AAK1: variants seen among roughly 807,000 people sequenced by gnomAD.
AAK1 encodes the protein AP2-associated protein kinase 1.
AAK1 carries 37 observed loss-of-function variants against 116.0 expected under a neutral mutation model. The observed-to-expected ratio is 0.32, with a 90% CI of 0.25 to 0.42. The LOEUF (loss-of-function observed/expected upper bound fraction) is 0.42, where lower values mean the gene tolerates loss of function less well. AAK1 is among the 10% of genes least tolerant of loss of function. The pLI is 1.00. For synonymous variants in AAK1, 458 were observed against 439.9 expected (o/e 1.04, Z -0.51); for missense variants, 919 against 1,170.6 (o/e 0.79, Z 3.14).
chr2:69,507,428 A>C lies in AAK1; in HGVS notation c.2157T>G (p.Leu719=), dbSNP rs150421832. 2,001 of 1,612,326 alleles carry C rather than the reference A, an allele frequency of 1.2e-3. 21 individuals are homozygous for C. In the African/African-American group the frequency reaches 0.023, roughly 19 times the overall value. The part of the protein sequence containing the change: ...EELLNKDFAK[L]GEGKHPEKLG... Reference sequence around the variant, plus strand: ...AAGACACAGCTTACTCACCTTCCCCAAGCTTGGCAAAGTCCTTGTTTAGCA... The same window carrying C: ...AAGACACAGCTTACTCACCTTCCCCCAGCTTGGCAAAGTCCTTGTTTAGCA... Residue 719 remains leucine (L), a synonymous_variant, in exon 15 of 22, where the codon CTT becomes CTG. Coordinates refer to ENST00000409085, the MANE Select transcript of AAK1 (RefSeq NM_014911.5).
chr2:69,607,046 CAAAAAAAAA>C (rs61156108), intron 2 of AAK1, among the ~76,000 whole-genome samples: 2 of 68,844 alleles, frequency 2.9e-5, no homozygotes, highest in African/African-American at 4.0e-5. Context: ...AGTCTTGCCT[CAAAAAAAAA>C]AAAAAAAAAA....
chr2:69,590,190 A>G (rs552868959), intron 2 of AAK1, among the ~76,000 whole-genome samples: 19 of 152,286 alleles, frequency 1.2e-4, no homozygotes, highest in African/African-American at 3.6e-4. Flanking sequence ...GTCTCCACAA[A>G]CTAGACAAGG....
At chr2:69,640,459 C>G (rs943485243) in intron 2 of AAK1, among the ~76,000 whole-genome samples, 4 of 149,484 alleles carry the variant, frequency 2.7e-5, no homozygotes, top group African/African-American at 1.0e-4. Context: ...ACTCTACAGA[C>G]AGTGCTGGTA....
At chr2:69,604,816 C>T (rs1673729427) in intron 2 of AAK1, among the ~76,000 whole-genome samples, 1 of 152,088 alleles carries the variant, frequency 6.6e-6, no homozygotes, top group Admixed American at 6.5e-5. Context: ...GCATGGAGTC[C>T]CTCAGATACC....
chr2:69,473,321 C>T lies in AAK1; in HGVS notation c.*2548G>A. The T allele has an allele frequency of 1.0e-6, 1 of 985,482 alleles. No individual in the cohort carries two copies. The highest frequency in any genetic ancestry group is 1.2e-6 in the Non-Finnish European group (1 of 829,966). 61.0% of individuals were successfully genotyped at this position (985,482 alleles called of 1,614,324 possible). On this transcript the variant is annotated 3_prime_UTR_variant, in exon 22 of 22. Transcript: ENST00000409085. The stretch of plus-strand genomic sequence containing the variant: ...CTCAAAGGTCCCTTTGTAGCTCAGG[C>T]TATGATTCCACAGGTACCAGGACAC...
intron 3 of AAK1, among the ~76,000 whole-genome samples, chr2:69,545,835 T>G (rs2105059810): frequency 6.6e-6 from 1 of 152,246 alleles, no homozygotes; most frequent in East Asian, 1.9e-4. Context: ...GTGGTGAGAA[T>G]GAAACTGGAC....
rs1198033461 is a variant in AAK1 at position 69,514,768 on chromosome 2, G to A, written c.1498-19C>T. ...CCTGAAACTGAGCAAGAAATGAGGA[G>A]ATGAATAAGGGCCTGTCCCAGAATA... On this transcript the variant is annotated intron_variant, in intron 12 of 21. Transcript: ENST00000409085. 7.1e-6 allele frequency: 11 copies of A among 1,554,398 alleles called. No individual in the cohort carries two copies. The highest frequency in any genetic ancestry group is 8.7e-6 in the Non-Finnish European group (10 of 1,149,086).
chr2:69,490,282 T>C (rs1020767850), intron 17 of AAK1, among the ~76,000 whole-genome samples: 1 of 152,142 alleles, frequency 6.6e-6, no homozygotes, highest in Non-Finnish European at 1.5e-5. Flanking sequence ...AGAATTAGCA[T>C]ATGATCCAGC....
intron 2 of AAK1, among the ~76,000 whole-genome samples, chr2:69,570,389 T>C (rs1404502279): frequency 1.3e-5 from 2 of 151,952 alleles, no homozygotes; most frequent in African/African-American, 4.8e-5. Flanking sequence ...CAGATTACCA[T>C]ACATGTGGCC....
In AAK1 at chr2:69,482,718, A is replaced by C; in HGVS notation, c.2460T>G (p.Ala820=). 1.2e-6 allele frequency: 2 copies of C among 1,606,714 alleles called. No homozygotes were observed. Among genetic ancestry groups the C allele is most frequent in the South Asian group, 2.2e-5 (2 of 90,920 alleles). Residue 820 remains alanine (A), a synonymous_variant, in exon 18 of 22, where the codon GCT becomes GCG. Coordinates refer to ENST00000409085, the MANE Select transcript of AAK1 (RefSeq NM_014911.5). Reference sequence around the variant, plus strand: ...CAGAGATGATGACTTTACCAATTACAGCATCAGAAGTGCTACCAAAAGGAT... The same window carrying C: ...CAGAGATGATGACTTTACCAATTACCGCATCAGAAGTGCTACCAAAAGGAT... ...MTDPFGSTSD[A]VIEKADVAVE...
At chr2:69,515,633 C>T (rs544031526) in intron 12 of AAK1, among the ~76,000 whole-genome samples, 1 of 152,272 alleles carries the variant, frequency 6.6e-6, no homozygotes, top group South Asian at 2.1e-4. Flanking sequence ...CTGGCCCACA[C>T]TTCTTATATG....
intron 2 of AAK1, among the ~76,000 whole-genome samples, chr2:69,566,302 G>C (rs1339128935): frequency 6.6e-6 from 1 of 152,192 alleles, no homozygotes; most frequent in East Asian, 1.9e-4. Context: ...CAAAGCATGT[G>C]TCAACACTGA....
chr2:69,631,740 G>A (rs1675184922), intron 2 of AAK1, among the ~76,000 whole-genome samples: 1 of 152,204 alleles, frequency 6.6e-6, no homozygotes, highest in Non-Finnish European at 1.5e-5. Flanking sequence ...AGCACTTTGG[G>A]AGGCTGAGGC....
intron 2 of AAK1, among the ~76,000 whole-genome samples, chr2:69,624,530 G>A (rs1215201240): frequency 6.6e-6 from 1 of 152,022 alleles, no homozygotes; most frequent in Non-Finnish European, 1.5e-5. Flanking sequence ...ACAATCTATG[G>A]GACTATGGGT....
chr2:69,567,494 C>T lies in AAK1; in HGVS notation c.164-10516G>A, dbSNP rs952009088. 6.6e-5 allele frequency among the ~76,000 whole-genome samples: 10 copies of T among 152,176 alleles called. No homozygotes were observed. The East Asian group carries it at 1.9e-3, about 29-fold the overall frequency. ...TCTCTGTCACCCAGCACAGTGGCTG[C>T]TCCATAGCAGGTTCTCAAGTGTTTG... On this transcript the variant is annotated intron_variant, in intron 2 of 21. Coordinates refer to ENST00000409085, the MANE Select transcript of AAK1 (RefSeq NM_014911.5).
At chr2:69,485,861 G>T (rs1008623193) in intron 17 of AAK1, among the ~76,000 whole-genome samples, 1 of 151,910 alleles carries the variant, frequency 6.6e-6, no homozygotes, top group Non-Finnish European at 1.5e-5. Flanking sequence ...GTTTCACTAT[G>T]ATGGCCAGGT....
intron 2 of AAK1, among the ~76,000 whole-genome samples, chr2:69,560,075 A>G (rs1418184556): frequency 1.3e-5 from 2 of 152,256 alleles, no homozygotes; most frequent in African/African-American, 4.8e-5. Context: ...AGATGAAGCC[A>G]CATTGTCAAG....
chr2:69,551,374 G>A (rs1671177245), intron 3 of AAK1, among the ~76,000 whole-genome samples: 1 of 152,070 alleles, frequency 6.6e-6, no homozygotes, highest in Admixed American at 6.5e-5. Context: ...TGCACATCCT[G>A]TACATGTACC....
chr2:69,620,468 C>CA (rs554940741), intron 2 of AAK1, among the ~76,000 whole-genome samples: 94 of 152,266 alleles, frequency 6.2e-4, no homozygotes, highest in Non-Finnish European at 1.1e-3. Context: ...GAACATTTCT[C>CA]AAAGAAATAG....
Sources: gnomAD v4.1 joint callset for allele counts (sites outside exome capture counted in the v4.1 genomes callset) on GRCh38, gnomAD v4.1.1 for gene constraint, MANE v1.5 for transcripts, NCBI Gene and HGNC (gene_info 2026-07-23, HGNC 2026-07-21) for gene names.